The following HECW1 variants were observed in gnomAD, a reference collection of about 807,000 sequenced individuals.
HECW1 encodes the protein HECT, C2 and WW domain containing E3 ubiquitin protein ligase 1, also known as E3 ubiquitin-protein ligase HECW1.
In HECW1, 61 loss-of-function variants were observed where a neutral mutation model predicts 182.3. That is an observed-to-expected ratio of 0.33 (90% CI 0.27 to 0.41). HECW1 has a LOEUF of 0.41. Among genes scored for constraint, HECW1 ranks in the 10% least tolerant of loss-of-function variants. HECW1 has a pLI of 1.00. For synonymous variants in HECW1, 859 were observed against 832.6 expected (o/e 1.03, Z -0.55); for missense variants, 1,739 against 2,108.9 (o/e 0.82, Z 3.44).
intron 19 of HECW1, among the ~76,000 whole-genome samples, chr7:43,497,604 C>T (rs2079169151): frequency 6.6e-6 from 1 of 152,062 alleles, no homozygotes; most frequent in East Asian, 1.9e-4. Context: ...TAAGATGGAA[C>T]AGGGGCTATG....
At chr7:43,324,335 A>G (rs1446107207) in intron 5 of HECW1, among the ~76,000 whole-genome samples, 2 of 152,246 alleles carry the variant, frequency 1.3e-5, no homozygotes, top group Non-Finnish European at 2.9e-5. Flanking sequence ...CAAGGCACAT[A>G]TATTAATATA....
chr7:43,120,843 C>T (rs2152603421), intron 2 of HECW1, among the ~76,000 whole-genome samples: 1 of 152,094 alleles, frequency 6.6e-6, no homozygotes, highest in East Asian at 1.9e-4. Context: ...GGGTTTTCAC[C>T]ATGTTGGCCA....
chr7:43,550,300 A>G, intron 26 of HECW1, 145 bp from the exon 27 acceptor site: 1 of 851,242 alleles, frequency 1.2e-6, no homozygotes, highest in Non-Finnish European at 1.8e-6. Context: ...GACCTTTAGC[A>G]AGGAAAAAAG....
At chr7:43,276,565 A>G (rs1447634218) in intron 3 of HECW1, among the ~76,000 whole-genome samples, 1 of 152,238 alleles carries the variant, frequency 6.6e-6, no homozygotes, top group Non-Finnish European at 1.5e-5. Flanking sequence ...GTGGAATTCC[A>G]TCATCTTTAT....
rs886464633 is a variant in HECW1, at chr7:43,390,549, C to CAAAAAA, written c.556-6260_556-6255dup. Among the ~76,000 whole-genome samples, 226 of 134,052 alleles carry CAAAAAA rather than the reference C, an allele frequency of 1.7e-3. 2 individuals carry two copies. The highest frequency in any genetic ancestry group is 2.5e-3 in the Non-Finnish European group (157 of 62,062). The allele number at this position is 134,052 out of a possible 152,430, so 87.9% of individuals were successfully genotyped here. On this transcript the variant is annotated intron_variant, in intron 6 of 29. Coordinates refer to ENST00000395891, the MANE Select transcript of HECW1 (RefSeq NM_015052.5). ...AGCAAGCAACTCTTAAAAAAAAAAA[C>CAAAAAA]AAAAAAAAAACAGCAGAGTTGTGGA...
chr7:43,379,039 A>C (rs2074443776), intron 6 of HECW1, among the ~76,000 whole-genome samples: 1 of 152,196 alleles, frequency 6.6e-6, no homozygotes, highest in Admixed American at 6.5e-5. Flanking sequence ...ACTAATAGGC[A>C]TAGGAAGTTA....
intron 21 of HECW1, among the ~76,000 whole-genome samples, chr7:43,503,738 C>T (rs1221849151): frequency 2.6e-5 from 4 of 152,186 alleles, no homozygotes; most frequent in Admixed American, 2.6e-4. Flanking sequence ...GATGGTGAAT[C>T]ATGAAGTTTA....
At chr7:43,504,679 A>C (rs1245717539) in intron 21 of HECW1, among the ~76,000 whole-genome samples, 1 of 152,230 alleles carries the variant, frequency 6.6e-6, no homozygotes, top group African/African-American at 2.4e-5. Flanking sequence ...CACCCAAAGG[A>C]AAATTCTAGC....
At chr7:43,373,697 G>A (rs2074207798) in intron 6 of HECW1, among the ~76,000 whole-genome samples, 1 of 152,058 alleles carries the variant, frequency 6.6e-6, no homozygotes, top group Non-Finnish European at 1.5e-5. Flanking sequence ...GTGACACTGT[G>A]TGCATTCACG....
At chr7:43,260,237 G>A (rs1176884437) in intron 3 of HECW1, among the ~76,000 whole-genome samples, 2 of 152,178 alleles carry the variant, frequency 1.3e-5, no homozygotes, top group East Asian at 1.9e-4. Flanking sequence ...GTACAATCTG[G>A]TTAAGGGATC....
intron 2 of HECW1, among the ~76,000 whole-genome samples, chr7:43,144,699 G>C (rs1788514193): frequency 6.6e-6 from 1 of 151,804 alleles, no homozygotes; most frequent in African/African-American, 2.4e-5. Flanking sequence ...TTATTTTCTA[G>C]AGCACTTTCT....
chr7:43,184,023 T>A (rs9770050), intron 2 of HECW1, among the ~76,000 whole-genome samples: 40,276 of 150,490 alleles, frequency 0.27, 5,687 homozygotes, highest in Non-Finnish European at 0.29. Context: ...TATTATTATT[T>A]TTTTTTTTGA....
chr7:43,545,252 A>T (rs958338293), intron 26 of HECW1, among the ~76,000 whole-genome samples: 2 of 152,260 alleles, frequency 1.3e-5, no homozygotes, highest in Non-Finnish European at 2.9e-5. Flanking sequence ...GGCCTTCTAC[A>T]CCACTTGAAT....
intron 17 of HECW1, among the ~76,000 whole-genome samples, chr7:43,488,426 G>GAA (rs1408535755): frequency 2.9e-5 from 3 of 105,170 alleles, no homozygotes; most frequent in East Asian, 3.0e-4. Context: ...GAGAGAGAAA[G>GAA]AAAGAAAGAG....
intron 2 of HECW1, among the ~76,000 whole-genome samples, chr7:43,204,167 C>T (rs1386439621): frequency 6.6e-6 from 1 of 152,164 alleles, no homozygotes; most frequent in African/African-American, 2.4e-5. Context: ...CAGTAGATGT[C>T]AAAGCAGCTA....
At position 43,292,942 on chromosome 7, in the gene HECW1, T is replaced by C. The variant is rs1057322493; in HGVS notation, c.28-18821T>C. Among the ~76,000 whole-genome samples, 18 of 152,112 alleles carry C rather than the reference T, an allele frequency of 1.2e-4. No homozygotes were observed. The East Asian group carries it at 1.5e-3, about 13-fold the overall frequency. On this transcript the variant is annotated intron_variant, in intron 3 of 29. Transcript: ENST00000395891. ...ACAAAAGAACGAAAGCTGGGATTTA[T>C]TGAAAATGAAAGTACGTCACACCTG...
intron 6 of HECW1, among the ~76,000 whole-genome samples, chr7:43,382,998 T>C (rs927056203): frequency 2.0e-5 from 3 of 152,224 alleles, no homozygotes; most frequent in Non-Finnish European, 4.4e-5. Context: ...GTTCTCATTT[T>C]TCAACTCCCA....
At position 43,237,758 on chromosome 7, in the gene HECW1, C is replaced by T. The variant is rs114024452; in HGVS notation, c.-31-6117C>T. Among the ~76,000 whole-genome samples, 977 of 152,232 alleles carry T rather than the reference C, an allele frequency of 6.4e-3. 11 individuals are homozygous for T. The highest frequency in any genetic ancestry group is 0.022 in the African/African-American group (927 of 41,510). On this transcript the variant is annotated intron_variant, in intron 2 of 29. Transcript: ENST00000395891. The stretch of plus-strand genomic sequence containing the variant: ...ATACCTCTCCAACTCCCTAAGAACA[C>T]AAGCAAACCACCCCTCAAGGATAAC...
At chr7:43,195,279 G>A (rs908489573) in intron 2 of HECW1, among the ~76,000 whole-genome samples, 4 of 152,236 alleles carry the variant, frequency 2.6e-5, no homozygotes, top group African/African-American at 7.2e-5. Flanking sequence ...ACTTCGCAAA[G>A]CTGTGCACTG....
Sources: gnomAD v4.1 joint callset for allele counts (sites outside exome capture counted in the v4.1 genomes callset) on GRCh38, gnomAD v4.1.1 for gene constraint, MANE v1.5 for transcripts, NCBI Gene and HGNC (gene_info 2026-07-23, HGNC 2026-07-21) for gene names.